DPP10: variants seen among roughly 807,000 people sequenced by gnomAD.
The protein encoded by DPP10 is dipeptidyl peptidase like 10.
In DPP10, 33 loss-of-function variants were observed where a neutral mutation model predicts 120.9. The ratio of observed to expected loss-of-function variants is 0.27; its 90% CI spans 0.21 to 0.37. The LOEUF is 0.37. Among genes scored for constraint, DPP10 ranks in the 10% least tolerant of loss-of-function variants. The pLI is 1.00. For synonymous variants in DPP10, 337 were observed against 326.1 expected (o/e 1.03, Z -0.36); for missense variants, 816 against 942.8 (o/e 0.87, Z 1.76).
chr2:115,331,206 C>T (rs995491853), intron 2 of DPP10, among the ~76,000 whole-genome samples: 5 of 152,110 alleles, frequency 3.3e-5, no homozygotes, highest in Admixed American at 2.6e-4. Flanking sequence ...TGGGAGTTCA[C>T]TCATGATTTG....
chr2:115,692,614 A>C (rs1464824585), intron 7 of DPP10, among the ~76,000 whole-genome samples: 1 of 152,044 alleles, frequency 6.6e-6, no homozygotes, highest in Admixed American at 6.6e-5. Context: ...TAGTTCTTTT[A>C]ACGTAGTTTA....
At chr2:114,485,419 A>G (rs1201271927) in intron 1 of DPP10, among the ~76,000 whole-genome samples, 2 of 151,752 alleles carry the variant, frequency 1.3e-5, no homozygotes, top group Admixed American at 6.6e-5. Context: ...CACTTATTAC[A>G]CTGACTCAGG....
chr2:115,563,022 T>A (rs537457744), intron 5 of DPP10, among the ~76,000 whole-genome samples: 1 of 152,366 alleles, frequency 6.6e-6, no homozygotes, highest in South Asian at 2.1e-4. Context: ...AATTTTCAAC[T>A]ACCTTTCCTG....
intron 5 of DPP10, among the ~76,000 whole-genome samples, chr2:115,540,797 C>T (rs1263322873): frequency 2.0e-5 from 3 of 151,820 alleles, no homozygotes; most frequent in African/African-American, 7.2e-5. Context: ...GTTATTATTA[C>T]TTTTCTCTTC....
At chr2:115,381,017 G>A (rs1337858580) in intron 3 of DPP10, among the ~76,000 whole-genome samples, 1 of 152,050 alleles carries the variant, frequency 6.6e-6, no homozygotes, top group Non-Finnish European at 1.5e-5. Flanking sequence ...TGGTGAATCT[G>A]ACAATTATGT....
chr2:115,054,081 G>A (rs745402770), intron 1 of DPP10, among the ~76,000 whole-genome samples: 4 of 152,118 alleles, frequency 2.6e-5, no homozygotes, highest in Non-Finnish European at 5.9e-5. Flanking sequence ...GTAGGATAGA[G>A]CAGCTAATAT....
chr2:114,514,963 G>T (rs1356831614), intron 1 of DPP10, among the ~76,000 whole-genome samples: 1 of 152,080 alleles, frequency 6.6e-6, no homozygotes, highest in African/African-American at 2.4e-5. Context: ...GTAAGGAAAA[G>T]CAAGTTGTGC....
intron 1 of DPP10, among the ~76,000 whole-genome samples, chr2:114,486,183 G>A (rs145043235): frequency 1.6e-5 from 2 of 128,310 alleles, no homozygotes; most frequent in East Asian, 2.3e-4. Flanking sequence ...TGACTAGGCC[G>A]GGATTTCCAA....
chr2:115,246,816 C>A lies in DPP10; in HGVS notation c.61-62423C>A, dbSNP rs1277547407. On this transcript the variant is annotated intron_variant, in intron 1 of 25. Transcript: ENST00000410059. ...TCTGATAGTAAAATAAGTATAACCA[C>A]ATCTACCATGTTCACATCTTGAAGA... Among the ~76,000 whole-genome samples the A allele has an allele frequency of 2.0e-5, 3 of 152,260 alleles. No homozygotes were observed. The East Asian group carries it at 5.8e-4, about 29-fold the overall frequency.
chr2:115,247,104 A>G (rs148962047), intron 1 of DPP10, among the ~76,000 whole-genome samples: 37 of 152,308 alleles, frequency 2.4e-4, no homozygotes, highest in African/African-American at 5.8e-4. Context: ...AGTGACTACA[A>G]TTGGGAAACA....
chr2:114,604,087 T>C (rs1692594140), intron 1 of DPP10, among the ~76,000 whole-genome samples: 1 of 152,042 alleles, frequency 6.6e-6, no homozygotes, highest in Non-Finnish European at 1.5e-5. Context: ...CATAAATGCC[T>C]TCCAAGGAGT....
intron 1 of DPP10, among the ~76,000 whole-genome samples, chr2:114,792,930 C>T (rs1199301864): frequency 6.6e-6 from 1 of 151,480 alleles, no homozygotes; most frequent in Non-Finnish European, 1.5e-5. Flanking sequence ...TAACTCATAG[C>T]CATGAACAGG....
At chr2:115,280,811 T>A (rs2060128239) in intron 1 of DPP10, among the ~76,000 whole-genome samples, 1 of 152,210 alleles carries the variant, frequency 6.6e-6, no homozygotes, top group Admixed American at 6.5e-5. Context: ...TGAGGGAATG[T>A]TTTGATTATC....
intron 1 of DPP10, among the ~76,000 whole-genome samples, chr2:114,956,155 G>T (rs577938217): frequency 5.3e-5 from 8 of 152,080 alleles, no homozygotes; most frequent in Non-Finnish European, 1.0e-4. Context: ...GAGTAAAATT[G>T]TCTCAATCTG....
intron 1 of DPP10, among the ~76,000 whole-genome samples, chr2:114,921,277 G>A (rs941140560): frequency 5.9e-5 from 9 of 152,144 alleles, no homozygotes; most frequent in South Asian, 4.1e-4. Flanking sequence ...CCTATTTGTC[G>A]GTGCTGTAAA....
chr2:115,040,228 A>G (rs1423925548), intron 1 of DPP10, among the ~76,000 whole-genome samples: 1 of 151,848 alleles, frequency 6.6e-6, no homozygotes, highest in South Asian at 2.1e-4. Flanking sequence ...GGTCCAAACC[A>G]TATCACCAGG....
At chr2:115,247,207 G>A (rs2058573062) in intron 1 of DPP10, among the ~76,000 whole-genome samples, 1 of 152,074 alleles carries the variant, frequency 6.6e-6, no homozygotes, top group African/African-American at 2.4e-5. Flanking sequence ...AGAAGCTGGG[G>A]AGAGACTTCA....
intron 1 of DPP10, chr2:115,162,405 G>T (rs977580995): frequency 7.9e-7 from 1 of 1,269,776 alleles, no homozygotes; most frequent in Admixed American, 3.3e-5. Context: ...CGCTCCTGAC[G>T]GCCGCTCACC....
chr2:114,495,255 TGA>T (rs528541017), intron 1 of DPP10, among the ~76,000 whole-genome samples: 342 of 152,336 alleles, frequency 2.2e-3, no homozygotes, highest in Non-Finnish European at 3.7e-3. Context: ...GAGCAGATGC[TGA>T]GTTTTCATTT....
Sources: allele counts gnomAD v4.1 joint callset (sites outside exome capture counted in the v4.1 genomes callset), GRCh38; gene constraint gnomAD v4.1.1; transcripts MANE v1.5; gene names NCBI Gene and HGNC (gene_info 2026-07-23, HGNC 2026-07-21).